DNAJC5: variants seen among roughly 807,000 people sequenced by gnomAD.
DNAJC5 encodes DnaJ heat shock protein family (Hsp40) member C5, also known as dnaJ homolog subfamily C member 5.
A neutral mutation model predicts 23.2 loss-of-function variants in DNAJC5; 1 was observed. The observed-to-expected ratio is 0.04, with a 90% CI of 0.02 to 0.20. The LOEUF (loss-of-function observed/expected upper bound fraction) is 0.20. Among genes scored for constraint, DNAJC5 ranks in the 10% least tolerant of loss-of-function variants. The probability of loss-of-function intolerance (pLI) is 1.00; values close to 1 mark genes in which losing one functional copy is unlikely to be tolerated. For missense variants in DNAJC5, 180 were observed against 267.0 expected (o/e 0.67, Z 2.27); for synonymous variants, 136 against 120.0 (o/e 1.13, Z -0.87).
intron 1 of DNAJC5, among the ~76,000 whole-genome samples, chr20:63,923,717 G>A (rs191194385): frequency 8.5e-5 from 13 of 152,232 alleles, no homozygotes; most frequent in East Asian, 1.9e-4. Context: ...AAAGTCAGGC[G>A]GGGAAAAGAA....
rs1230474410 is a variant in DNAJC5 at position 63,935,012 on chromosome 20, C to A, written c.*3444C>A. ...CGTGAGGGGACACGAAATGACTGATCTCACCCTTTCCCAGTATTCAGAGCT... is the reference window on the plus strand; with the variant it reads ...CGTGAGGGGACACGAAATGACTGATATCACCCTTTCCCAGTATTCAGAGCT... On this transcript the variant is annotated 3_prime_UTR_variant, in exon 5 of 5. Transcript: ENST00000360864. 1 of 152,278 alleles carries A rather than the reference C, an allele frequency of 6.6e-6. No homozygotes were observed. The highest frequency in any genetic ancestry group is 1.9e-4 in the East Asian group (1 of 5,194). 9.4% of individuals were successfully genotyped at this position (152,278 alleles called of 1,614,324 possible). A position where few individuals can be genotyped will look rare whatever the true frequency, so the allele number is the denominator to read the frequency against.
intron 1 of DNAJC5, among the ~76,000 whole-genome samples, chr20:63,908,002 G>A (rs1425412187): frequency 1.3e-5 from 2 of 152,162 alleles, no homozygotes; most frequent in East Asian, 1.9e-4. Context: ...TCCTGAGCTC[G>A]TGATCCCCCC....
At position 63,931,311 on chromosome 20, in the gene DNAJC5, G is replaced by A; in HGVS notation, c.494-154G>A. The A allele has an allele frequency of 2.3e-6, 2 of 860,808 alleles. No homozygotes were observed. The highest frequency in any genetic ancestry group is 2.9e-5 in the South Asian group (2 of 68,422). The allele number at this position is 860,808 out of a possible 1,614,324, so 53.3% of individuals were successfully genotyped here. On this transcript the variant is annotated intron_variant, in intron 4 of 4. Coordinates refer to ENST00000360864, the MANE Select transcript of DNAJC5 (RefSeq NM_025219.3). The surrounding 1 kb of genome is among the most constrained non-coding windows in gnomAD (Gnocchi z 9.6). ...GGGCCGAGGGCTGGCGGTGACCCAA[G>A]GCGACGGAGGAAAGCCGTGTGGGGT...
At chr20:63,903,309 C>G (rs867162775) in intron 1 of DNAJC5, among the ~76,000 whole-genome samples, 1 of 152,136 alleles carries the variant, frequency 6.6e-6, no homozygotes, top group Non-Finnish European at 1.5e-5. Context: ...ACCTCACTGA[C>G]TCACCTCAAA....
rs1038476123 is a variant in DNAJC5, at chr20:63,920,791, C to A, written c.-11-7544C>A. On this transcript the variant is annotated intron_variant, in intron 1 of 4. Coordinates refer to ENST00000360864, the MANE Select transcript of DNAJC5 (RefSeq NM_025219.3). This position sits in a 1 kb window ranked among gnomAD's most constrained non-coding sequence, Gnocchi z 4.6. The stretch of plus-strand genomic sequence containing the variant: ...CTCGAGGGTTCAAGCGATTCTCCTG[C>A]CTCAGCCTCCTGAGTAGCTGGGATT... Among the ~76,000 whole-genome samples the A allele has an allele frequency of 2.0e-5, 3 of 152,162 alleles. No homozygotes were observed. Among genetic ancestry groups the A allele is most frequent in the Non-Finnish European group, 2.9e-5 (2 of 68,028 alleles).
At chr20:63,921,539 C>T (rs900853125) in intron 1 of DNAJC5, among the ~76,000 whole-genome samples, 2 of 149,402 alleles carry the variant, frequency 1.3e-5, no homozygotes, top group Admixed American at 6.7e-5. Flanking sequence ...TGCAGCAAGC[C>T]GAGATAGTGC....
rs576610388 is a variant in DNAJC5 at position 63,896,624 on chromosome 20, G to A, written c.-12+1301G>A. Among the ~76,000 whole-genome samples, 11 of 152,230 alleles carry A rather than the reference G, an allele frequency of 7.2e-5. No homozygotes were observed. In the South Asian group the frequency reaches 1.9e-3, roughly 26 times the overall value. On this transcript the variant is annotated intron_variant, in intron 1 of 4. Coordinates refer to ENST00000360864, the MANE Select transcript of DNAJC5 (RefSeq NM_025219.3). The stretch of plus-strand genomic sequence containing the variant: ...TCCTTGGATCTTCCTGGAATGCCTG[G>A]TTCCTTAACCCCCTAGCCTGGCGAC...
rs2053711155 is a variant in DNAJC5 at position 63,935,573 on chromosome 20, AC to A, written c.*4006del. ...AAAGCTGATTTTCTGAGCAGCAGAT[AC>A]GGTCAGTGGCAAAGCTGCATCTGAA... On this transcript the variant is annotated 3_prime_UTR_variant, in exon 5 of 5. Coordinates refer to ENST00000360864, the MANE Select transcript of DNAJC5 (RefSeq NM_025219.3). The A allele has an allele frequency of 2.0e-5, 3 of 152,288 alleles. No homozygotes were observed. Among genetic ancestry groups the A allele is most frequent in the African/African-American group, 7.2e-5 (3 of 41,462 alleles). 9.4% of individuals were successfully genotyped at this position (152,288 alleles called of 1,614,324 possible).
intron 3 of DNAJC5, among the ~76,000 whole-genome samples, chr20:63,930,376 C>T (rs2053657947): frequency 6.6e-6 from 1 of 152,012 alleles, no homozygotes; most frequent in Admixed American, 6.5e-5. Context: ...GAGACGGAGT[C>T]TCGCTCTGTT....
chr20:63,903,469 G>A (rs761340260), intron 1 of DNAJC5, among the ~76,000 whole-genome samples: 13 of 151,944 alleles, frequency 8.6e-5, no homozygotes, highest in African/African-American at 1.2e-4. Context: ...CACTACGCCC[G>A]GCTGATTTTT....
At chr20:63,911,475 G>A (rs578095856) in intron 1 of DNAJC5, among the ~76,000 whole-genome samples, 11 of 152,296 alleles carry the variant, frequency 7.2e-5, no homozygotes, top group African/African-American at 2.2e-4. Flanking sequence ...TCCCTGGCTC[G>A]GCCGGGCGCT....
Position 63,918,199 on chromosome 20 carries a change from G to A in DNAJC5, c.-11-10136G>A, listed in dbSNP as rs116676803. Among the ~76,000 whole-genome samples, 552 of 152,146 alleles carry A rather than the reference G, an allele frequency of 3.6e-3. 6 individuals carry two copies. Among genetic ancestry groups the A allele is most frequent in the African/African-American group, 0.011 (458 of 41,482 alleles). ...TGTAGCTACAATCTGCAGTGTAGAC[G>A]AATCTTAGGAACGTAGGCGTTTCAG... On this transcript the variant is annotated intron_variant, in intron 1 of 4. Transcript: ENST00000360864.
chr20:63,910,144 G>T (rs1010192494), intron 1 of DNAJC5, among the ~76,000 whole-genome samples: 1 of 152,188 alleles, frequency 6.6e-6, no homozygotes, highest in African/African-American at 2.4e-5. Context: ...GGCCCCCTTT[G>T]TATGGAGAGG....
In DNAJC5 at chr20:63,899,535, A is replaced by G. The variant is rs541846304; in HGVS notation, c.-12+4212A>G. 2.6e-5 allele frequency among the ~76,000 whole-genome samples: 4 copies of G among 152,374 alleles called. No homozygotes were observed. In the East Asian group the frequency reaches 5.8e-4, roughly 22 times the overall value. Reference sequence around the variant, plus strand: ...TGTTTTAACTTGTATGAGTTTTGCAAGCATTGATATTTCAAATTGAAATTG... The same window carrying G: ...TGTTTTAACTTGTATGAGTTTTGCAGGCATTGATATTTCAAATTGAAATTG... On this transcript the variant is annotated intron_variant, in intron 1 of 4. Transcript: ENST00000360864.
Position 63,929,765 on chromosome 20 carries a change from C to T in DNAJC5, c.321+240C>T, listed in dbSNP as rs74337839. ...GAGTCTCTCCTGCCATGTGGGCACC[C>T]GGGTCACTCCACGCCTGCAGGGTTC... On this transcript the variant is annotated intron_variant, in intron 3 of 4. Transcript: ENST00000360864. This position sits in a 1 kb window ranked among gnomAD's most constrained non-coding sequence, Gnocchi z 8.6. 0.016 allele frequency among the ~76,000 whole-genome samples: 2,100 copies of T among 134,794 alleles called. 156 individuals carry two copies. Among genetic ancestry groups the T allele is most frequent in the African/African-American group, 0.019 (728 of 37,768 alleles). 88.4% of individuals were successfully genotyped at this position (134,794 alleles called of 152,430 possible).
At chr20:63,901,046 C>G (rs2053408095) in intron 1 of DNAJC5, among the ~76,000 whole-genome samples, 1 of 152,238 alleles carries the variant, frequency 6.6e-6, no homozygotes, top group African/African-American at 2.4e-5. Context: ...CTCACTGCCG[C>G]TTCCACCTCC....
At chr20:63,922,272 G>A (rs2053579550) in intron 1 of DNAJC5, among the ~76,000 whole-genome samples, 1 of 151,504 alleles carries the variant, frequency 6.6e-6, no homozygotes, top group South Asian at 2.1e-4. Flanking sequence ...GACTATCCTG[G>A]CCAACATGGT....
At chr20:63,905,693 C>G (rs1186578598) in intron 1 of DNAJC5, among the ~76,000 whole-genome samples, 1 of 151,908 alleles carries the variant, frequency 6.6e-6, no homozygotes, top group Non-Finnish European at 1.5e-5. Context: ...CCTCAGCCTC[C>G]CGAGTAGCTG....
At chr20:63,910,266 C>T (rs1199938226) in intron 1 of DNAJC5, among the ~76,000 whole-genome samples, 4 of 151,676 alleles carry the variant, frequency 2.6e-5, no homozygotes, top group Admixed American at 1.3e-4. Flanking sequence ...GTGCGCTGGC[C>T]GGGCGCGGTG....
Sources: gnomAD v4.1 joint callset for allele counts (sites outside exome capture counted in the v4.1 genomes callset) on GRCh38, gnomAD v4.1.1 for gene constraint, Gnocchi (gnomAD v3.1) non-coding constraint, MANE v1.5 for transcripts, NCBI Gene and HGNC (gene_info 2026-07-23, HGNC 2026-07-21) for gene names.